Variants in FOXO1 observed in about 807,000 individuals in gnomAD.
FOXO1 encodes the protein forkhead box O1.
In FOXO1, 6 loss-of-function variants were observed where a neutral mutation model predicts 44.1. That is an observed-to-expected ratio of 0.14 (90% CI 0.07 to 0.27). The LOEUF is 0.27. FOXO1 is among the 10% of genes least tolerant of loss of function. The pLI, the probability that FOXO1 is intolerant of heterozygous loss-of-function variation, is 1.00. For synonymous variants in FOXO1, 380 were observed against 362.7 expected (o/e 1.05, Z -0.54); for missense variants, 737 against 888.8 (o/e 0.83, Z 2.17).
At chr13:40,598,425 T>C (rs1875679294) in intron 1 of FOXO1, among the ~76,000 whole-genome samples, 1 of 152,138 alleles carries the variant, frequency 6.6e-6, no homozygotes, top group Non-Finnish European at 1.5e-5. Flanking sequence ...TTCTGATATA[T>C]TATTTGCAAG....
At chr13:40,585,650 G>A (rs1231977664) in intron 1 of FOXO1, among the ~76,000 whole-genome samples, 2 of 152,158 alleles carry the variant, frequency 1.3e-5, no homozygotes, top group Non-Finnish European at 1.5e-5. Context: ...TGAGATGAAA[G>A]CTTCTGCGGA....
At chr13:40,598,818 A>G (rs1208250742) in intron 1 of FOXO1, among the ~76,000 whole-genome samples, 1 of 152,230 alleles carries the variant, frequency 6.6e-6, no homozygotes, top group Non-Finnish European at 1.5e-5. Flanking sequence ...CAAGATCCCC[A>G]GGTGATTAAT....
Position 40,560,753 on chromosome 13 carries a change from G to A in FOXO1, c.738C>T (p.Ser246=), listed in dbSNP as rs374399783. The A allele has an allele frequency of 1.1e-4, 178 of 1,613,942 alleles. No individual in the cohort carries two copies. The highest frequency in any genetic ancestry group is 6.5e-4 in the East Asian group (29 of 44,894). The stretch of plus-strand genomic sequence containing the variant: ...CAGCTCTTCTCCTAGGAGATTTCCC[G>A]CTCTTGCCACCCTCTGGATTGAGCA... The part of the protein sequence containing the change: ...WWMLNPEGGK[S]GKSPRRRAAS... Residue 246 remains serine, a synonymous_variant, in exon 2 of 3, where the codon AGC becomes AGT. Transcript: ENST00000379561. The surrounding 1 kb of genome is among the most constrained non-coding windows in gnomAD (Gnocchi z 5.1).
chr13:40,665,290 G>A (rs962435392), intron 1 of FOXO1, among the ~76,000 whole-genome samples: 9 of 152,134 alleles, frequency 5.9e-5, no homozygotes, highest in African/African-American at 2.2e-4. Context: ...CCTTTCACTG[G>A]CAAACTTTTC....
intron 1 of FOXO1, among the ~76,000 whole-genome samples, chr13:40,570,158 A>C (rs1566063933): frequency 1.3e-5 from 2 of 151,876 alleles, no homozygotes; most frequent in African/African-American, 4.8e-5. Flanking sequence ...AAAAATACAA[A>C]AATTGGCCGG....
intron 1 of FOXO1, among the ~76,000 whole-genome samples, chr13:40,611,292 C>T (rs1390071257): frequency 1.3e-5 from 2 of 152,166 alleles, no homozygotes; most frequent in African/African-American, 2.4e-5. Context: ...TAGAGTGCTA[C>T]CCCTATGGTG....
chr13:40,623,058 A>T (rs1876668117), intron 1 of FOXO1, among the ~76,000 whole-genome samples: 1 of 152,226 alleles, frequency 6.6e-6, no homozygotes, highest in Non-Finnish European at 1.5e-5. Context: ...GGTACTATTA[A>T]ATCAAAACAA....
chr13:40,569,596 G>A (rs573501978), intron 1 of FOXO1, among the ~76,000 whole-genome samples: 17 of 152,222 alleles, frequency 1.1e-4, no homozygotes, highest in African/African-American at 2.6e-4. Context: ...GCTGCAATCC[G>A]TCATTTACAG....
At chr13:40,583,557 T>G (rs1322089620) in intron 1 of FOXO1, among the ~76,000 whole-genome samples, 1 of 152,234 alleles carries the variant, frequency 6.6e-6, no homozygotes, top group East Asian at 1.9e-4. Context: ...TCCTTCACTT[T>G]GTACTTTCAT....
intron 1 of FOXO1, among the ~76,000 whole-genome samples, chr13:40,635,430 T>TA (rs746220794): frequency 1.3e-5 from 2 of 152,202 alleles, no homozygotes; most frequent in Non-Finnish European, 2.9e-5. Flanking sequence ...TTTAAGGACT[T>TA]AATTTCCAGT....
intron 1 of FOXO1, among the ~76,000 whole-genome samples, chr13:40,601,130 C>A (rs1025478863): frequency 7.2e-5 from 11 of 152,272 alleles, no homozygotes; most frequent in African/African-American, 2.6e-4. Context: ...TTTCATCAGA[C>A]TACAGTAACT....
At chr13:40,665,392 C>A (rs1231930788) in intron 1 of FOXO1, among the ~76,000 whole-genome samples, 191 bp downstream of exon 1, 1 of 152,108 alleles carries the variant, frequency 6.6e-6, no homozygotes, top group East Asian at 1.9e-4. Flanking sequence ...TCCTGACTGG[C>A]GCGCACGCAC....
At chr13:40,602,520 C>T (rs964667121) in intron 1 of FOXO1, among the ~76,000 whole-genome samples, 2 of 151,492 alleles carry the variant, frequency 1.3e-5, no homozygotes, top group Non-Finnish European at 2.9e-5. Context: ...TCAATGTACC[C>T]GAAAAAAAGA....
rs1262960666 is a variant in FOXO1 at position 40,665,598 on chromosome 13, G to A, written c.615C>T (p.Ser205=). The A allele has an allele frequency of 1.4e-6, 2 of 1,434,362 alleles. No homozygotes were observed. The highest frequency in any genetic ancestry group is 2.3e-5 in the Admixed American group (1 of 42,682). 88.9% of individuals were successfully genotyped at this position (1,434,362 alleles called of 1,614,324 possible). Reference sequence around the variant, plus strand: ...GTCCACTCACCTTCCAGCCCGCCGAGCTGTTGCTGTCACCCTTATCCTTGA... The same window carrying A: ...GTCCACTCACCTTCCAGCCCGCCGAACTGTTGCTGTCACCCTTATCCTTGA... ...PYFKDKGDSN[S]SAGWKNSIRH... The change falls in exon 1 of 3, where the codon AGC becomes AGT. Residue 205 remains serine, a synonymous_variant. Transcript: ENST00000379561.
intron 1 of FOXO1, among the ~76,000 whole-genome samples, chr13:40,662,390 G>A (rs1240186486): frequency 6.6e-6 from 1 of 151,832 alleles, no homozygotes; most frequent in Non-Finnish European, 1.5e-5. Context: ...AGCTTTAGAA[G>A]GCTTTCTATG....
In FOXO1 at chr13:40,559,675, A is replaced by T; in HGVS notation, c.1816T>A (p.Phe606Ile). Reference sequence around the variant, plus strand: ...ATGTCACAGTCTAAGCGCTCAATGAACATGCCATCCAAGTCACTTGGGAGC... The same window carrying T: ...ATGTCACAGTCTAAGCGCTCAATGATCATGCCATCCAAGTCACTTGGGAGC... ...EKLPSDLDGM[F>I]IERLDCDMES... Residue 606 changes from phenylalanine to isoleucine, a missense_variant, in exon 2 of 3, where the codon TTC becomes ATC. Physicochemically the swap from Phe to Ile is conservative, Grantham distance 21 (BLOSUM62 0). Coordinates refer to ENST00000379561, the MANE Select transcript of FOXO1 (RefSeq NM_002015.4). The T allele has an allele frequency of 1.2e-6, 2 of 1,614,154 alleles. No homozygotes were observed. Among genetic ancestry groups the T allele is most frequent in the Non-Finnish European group, 1.7e-6 (2 of 1,180,024 alleles).
chr13:40,633,120 G>A (rs192126715), intron 1 of FOXO1, among the ~76,000 whole-genome samples: 47 of 152,314 alleles, frequency 3.1e-4, no homozygotes, highest in African/African-American at 1.1e-3. Context: ...TGTCATCAAG[G>A]TTGTAGAGAG....
chr13:40,569,826 G>A (rs1352585122), intron 1 of FOXO1, among the ~76,000 whole-genome samples: 1 of 151,984 alleles, frequency 6.6e-6, no homozygotes, highest in East Asian at 1.9e-4. Context: ...GCCCATGCTG[G>A]TCTCCAACTC....
intron 1 of FOXO1, among the ~76,000 whole-genome samples, chr13:40,608,428 G>T (rs190568558): frequency 6.6e-6 from 1 of 152,210 alleles, no homozygotes; most frequent in Non-Finnish European, 1.5e-5. Flanking sequence ...ACATGGAGTA[G>T]GCTGCTGCAG....
Sources: gnomAD v4.1 joint callset for allele counts (sites outside exome capture counted in the v4.1 genomes callset) on GRCh38, gnomAD v4.1.1 for gene constraint, Gnocchi (gnomAD v3.1) non-coding constraint, MANE v1.5 for transcripts, NCBI Gene and HGNC (gene_info 2026-07-23, HGNC 2026-07-21) for gene names.